The following ESRRG variants were observed in gnomAD, a reference collection of about 807,000 sequenced individuals.
ESRRG encodes the protein estrogen related receptor gamma.
In ESRRG, 13 loss-of-function variants were observed where a neutral mutation model predicts 44.0. That is an observed-to-expected ratio of 0.30 (90% CI 0.19 to 0.47). The LOEUF (loss-of-function observed/expected upper bound fraction) is 0.47, where lower values mean the gene tolerates loss of function less well. Among genes scored for constraint, ESRRG ranks in the 20% least tolerant of loss-of-function variants. The pLI, the probability that ESRRG is intolerant of heterozygous loss-of-function variation, is 1.00. For synonymous variants in ESRRG, 215 were observed against 214.6 expected (o/e 1.00, Z -0.02); for missense variants, 395 against 580.6 (o/e 0.68, Z 3.29).
chr1:216,821,795 T>C (rs1045498326), intron 2 of ESRRG, among the ~76,000 whole-genome samples: 6 of 151,338 alleles, frequency 4.0e-5, no homozygotes, highest in Non-Finnish European at 5.9e-5. Flanking sequence ...AAAATGAAAT[T>C]TCCTTATGAT....
At chr1:216,830,939 C>T (rs1202494660) in intron 2 of ESRRG, among the ~76,000 whole-genome samples, 2 of 151,882 alleles carry the variant, frequency 1.3e-5, no homozygotes, top group Admixed American at 6.6e-5. Context: ...CAAGCCTGGG[C>T]GTGCTCTCAC....
chr1:216,518,859 T>C (rs2045203327), intron 6 of ESRRG, among the ~76,000 whole-genome samples: 1 of 152,160 alleles, frequency 6.6e-6, no homozygotes, highest in African/African-American at 2.4e-5. Context: ...GTCCTGGGAG[T>C]GTCCATTTAT....
Position 216,565,173 on chromosome 1 carries a change from A to G in ESRRG, c.701-793T>C, listed in dbSNP as rs545634638. Reference sequence around the variant, plus strand: ...ATATGTTTTAAAAATCCTTCAAAAAATAAACACTAGAGACAAATGGAAAGC... The same window carrying G: ...ATATGTTTTAAAAATCCTTCAAAAAGTAAACACTAGAGACAAATGGAAAGC... On this transcript the variant is annotated intron_variant, in intron 4 of 6. Coordinates refer to ENST00000408911, the MANE Select transcript of ESRRG (RefSeq NM_001438.4). Among the ~76,000 whole-genome samples, 3 of 152,324 alleles carry G rather than the reference A, an allele frequency of 2.0e-5. No homozygotes were observed. In the South Asian group the frequency reaches 6.2e-4, roughly 32 times the overall value.
chr1:216,897,906 T>A (rs1353241853), intron 2 of ESRRG, among the ~76,000 whole-genome samples: 1 of 152,108 alleles, frequency 6.6e-6, no homozygotes, highest in Non-Finnish European at 1.5e-5. Context: ...CAGAGGTGGG[T>A]CTATGTACTG....
intron 2 of ESRRG, among the ~76,000 whole-genome samples, chr1:216,820,115 T>C (rs2095254291): frequency 6.6e-6 from 1 of 152,314 alleles, no homozygotes; most frequent in South Asian, 2.1e-4. Context: ...GGTAAGATTT[T>C]AAATAAAAAG....
At chr1:216,869,551 C>G (rs556619723) in intron 2 of ESRRG, among the ~76,000 whole-genome samples, 1 of 152,124 alleles carries the variant, frequency 6.6e-6, no homozygotes, top group East Asian at 1.9e-4. Flanking sequence ...TCCATAAAAA[C>G]TTTAGAATCA....
chr1:216,551,387 C>T (rs1237005938), intron 5 of ESRRG, among the ~76,000 whole-genome samples: 2 of 152,026 alleles, frequency 1.3e-5, no homozygotes, highest in African/African-American at 4.8e-5. Flanking sequence ...AGCTTATTTC[C>T]ATATTCAGAT....
chr1:216,563,888 A>G (rs866911189), intron 5 of ESRRG, among the ~76,000 whole-genome samples: 7 of 152,302 alleles, frequency 4.6e-5, no homozygotes, highest in African/African-American at 1.7e-4. Context: ...TTTAAAGTGA[A>G]AAGAAAAAGT....
chr1:217,059,950 A>C (rs949260520), intron 1 of ESRRG, among the ~76,000 whole-genome samples: 1 of 152,106 alleles, frequency 6.6e-6, no homozygotes, highest in Admixed American at 6.6e-5. Context: ...ACACTGGGTG[A>C]CAAATGTATT....
In ESRRG at chr1:217,037,832, A is replaced by T. The variant is rs556507584; in HGVS notation, c.-106+51675T>A. Among the ~76,000 whole-genome samples the T allele has an allele frequency of 3.9e-4, 60 of 152,304 alleles. No individual in the cohort carries two copies. The Middle Eastern group carries it at 0.01, about 26-fold the overall frequency. On this transcript the variant is annotated intron_variant, in intron 1 of 7. Coordinates refer to the ESRRG transcript ENST00000359162. The stretch of plus-strand genomic sequence containing the variant: ...GTACAGGCATTGGGTAAATACAGCC[A>T]TTCCAAATGGGAGAAATTGGCCAAA...
chr1:216,779,180 TATAA>T (rs1470860241), intron 2 of ESRRG, among the ~76,000 whole-genome samples: 5 of 85,182 alleles, frequency 5.9e-5, no homozygotes, highest in Admixed American at 3.7e-4. Flanking sequence ...TATATAATTA[TATAA>T]ATATATATTT....
intron 5 of ESRRG, among the ~76,000 whole-genome samples, chr1:216,530,907 C>T (rs2049180686): frequency 6.6e-6 from 1 of 151,918 alleles, no homozygotes; most frequent in South Asian, 2.1e-4. Flanking sequence ...CTTACTATTA[C>T]TAGTTACAAG....
chr1:216,637,800 T>C (rs2065596016), intron 3 of ESRRG, among the ~76,000 whole-genome samples: 1 of 152,078 alleles, frequency 6.6e-6, no homozygotes, highest in South Asian at 2.1e-4. Flanking sequence ...TTTTTTTGGA[T>C]ACCAATTGCT....
chr1:216,675,885 C>A (rs2151472458), intron 2 of ESRRG, among the ~76,000 whole-genome samples: 1 of 152,336 alleles, frequency 6.6e-6, no homozygotes, highest in South Asian at 2.1e-4. Flanking sequence ...AAAAACCCCC[C>A]TTTCCCTGGC....
intron 1 of ESRRG, among the ~76,000 whole-genome samples, chr1:217,080,863 G>A (rs2091704546): frequency 6.6e-6 from 1 of 151,694 alleles, no homozygotes; most frequent in Non-Finnish European, 1.5e-5. Flanking sequence ...ATTTTTAGTG[G>A]AGACGGGGTT....
chr1:216,850,923 A>G (rs2095833264), intron 2 of ESRRG, among the ~76,000 whole-genome samples: 1 of 151,704 alleles, frequency 6.6e-6, no homozygotes, highest in Non-Finnish European at 1.5e-5. Flanking sequence ...GCTGTCATGT[A>G]AAGTGCTGAT....
chr1:216,916,525 G>A (rs548640717), intron 2 of ESRRG, among the ~76,000 whole-genome samples: 154 of 152,292 alleles, frequency 1.0e-3, no homozygotes, highest in Middle Eastern at 3.4e-3. Flanking sequence ...ATGAGAATTT[G>A]GGGACACATG....
intron 1 of ESRRG, among the ~76,000 whole-genome samples, chr1:217,042,462 A>C (rs948683061): frequency 1.6e-5 from 2 of 126,456 alleles, no homozygotes; most frequent in South Asian, 5.2e-4. Flanking sequence ...GCACACACAC[A>C]TACACACACA....
At chr1:217,059,280 T>A (rs912814495) in intron 1 of ESRRG, among the ~76,000 whole-genome samples, 1 of 151,492 alleles carries the variant, frequency 6.6e-6, no homozygotes, top group Non-Finnish European at 1.5e-5. Context: ...AAGTAAGCTA[T>A]AGTGTAACTA....
Sources: allele counts gnomAD v4.1 joint callset (sites outside exome capture counted in the v4.1 genomes callset), GRCh38; gene constraint gnomAD v4.1.1; transcripts MANE v1.5; gene names NCBI Gene and HGNC (gene_info 2026-07-23, HGNC 2026-07-21).